Variants in RGS7 observed in about 807,000 individuals in gnomAD.
The protein encoded by RGS7 is regulator of G-protein signaling 7.
In RGS7, 27 loss-of-function variants were observed where a neutral mutation model predicts 81.1. That is an observed-to-expected ratio of 0.33 (90% confidence interval 0.25 to 0.46). RGS7 has a LOEUF of 0.46. Ranked by LOEUF, RGS7 falls within the 20% of genes least tolerant of loss-of-function variation. The pLI is 1.00. For missense variants in RGS7, 396 were observed against 607.4 expected (o/e 0.65, Z 3.66); for synonymous variants, 208 against 207.7 (o/e 1.00, Z -0.01).
intron 9 of RGS7, among the ~76,000 whole-genome samples, chr1:240,866,759 G>C (rs1340047197): frequency 1.3e-5 from 2 of 152,090 alleles, no homozygotes; most frequent in East Asian, 3.9e-4. Flanking sequence ...GCACACAAAG[G>C]GCTAAGGCAA....
At chr1:241,245,301 G>A (rs1460185865) in intron 2 of RGS7, among the ~76,000 whole-genome samples, 1 of 151,958 alleles carries the variant, frequency 6.6e-6, no homozygotes, top group Non-Finnish European at 1.5e-5. Context: ...TTATGACAGA[G>A]TTCTCAAGAG....
At position 240,955,551 on chromosome 1, in the gene RGS7, C is replaced by CAAAAAAAAA. The variant is rs369155474; in HGVS notation, c.227-18854_227-18846dup. ...TGGGCGGCAGAGCAAGACTCTGTCTCAAAAAAAAAAAAAAAAAAAAAAAAA... is the reference window on the plus strand; with the variant it reads ...TGGGCGGCAGAGCAAGACTCTGTCTCAAAAAAAAAAAAAAAAAAAAAAAAAAAAAAAAAA... On this transcript the variant is annotated intron_variant, in intron 4 of 18. Transcript: ENST00000440928. Among the ~76,000 whole-genome samples the CAAAAAAAAA allele has an allele frequency of 7.5e-4, 105 of 140,246 alleles. 2 individuals are homozygous for CAAAAAAAAA. Among genetic ancestry groups the CAAAAAAAAA allele is most frequent in the African/African-American group, 2.6e-3 (96 of 36,784 alleles). 92.0% of individuals were successfully genotyped at this position (140,246 alleles called of 152,430 possible). A position where few individuals can be genotyped will look rare whatever the true frequency, so the allele number is the denominator to read the frequency against.
At chr1:241,201,631 A>G (rs896549128) in intron 2 of RGS7, among the ~76,000 whole-genome samples, 6 of 152,162 alleles carry the variant, frequency 3.9e-5, no homozygotes, top group Non-Finnish European at 8.8e-5. Flanking sequence ...TTTTTAATAC[A>G]TATATAAGAA....
chr1:241,287,765 G>A (rs1380580627), intron 2 of RGS7, among the ~76,000 whole-genome samples: 2 of 144,882 alleles, frequency 1.4e-5, no homozygotes, highest in African/African-American at 2.5e-5. Flanking sequence ...ACACACACAC[G>A]ACAGAGGGAC....
intron 3 of RGS7, among the ~76,000 whole-genome samples, chr1:240,989,035 G>A (rs961122019): frequency 8.5e-5 from 13 of 152,116 alleles, no homozygotes; most frequent in African/African-American, 3.1e-4. Context: ...AACATGGGCT[G>A]AGCCATAAAA....
At chr1:241,188,485 T>C (rs2072324095) in intron 2 of RGS7, among the ~76,000 whole-genome samples, 1 of 152,170 alleles carries the variant, frequency 6.6e-6, no homozygotes, top group South Asian at 2.1e-4. Context: ...TATGTATTTC[T>C]TTTCAGCAGA....
At chr1:241,251,374 T>C (rs1274622065) in intron 2 of RGS7, among the ~76,000 whole-genome samples, 2 of 152,176 alleles carry the variant, frequency 1.3e-5, no homozygotes, top group Non-Finnish European at 2.9e-5. Flanking sequence ...GTACTCACTG[T>C]AGAGAAAATA....
At chr1:241,350,553 T>C (rs1168446199) in intron 2 of RGS7, among the ~76,000 whole-genome samples, 1 of 152,100 alleles carries the variant, frequency 6.6e-6, no homozygotes, top group Non-Finnish European at 1.5e-5. Context: ...CCCTTGTATA[T>C]ATTCCTCACT....
chr1:240,853,972 G>A (rs1234945032), intron 9 of RGS7, among the ~76,000 whole-genome samples: 2 of 142,626 alleles, frequency 1.4e-5, no homozygotes, highest in Non-Finnish European at 3.0e-5. Flanking sequence ...GAAAATCCAT[G>A]CTGATTACGA....
Position 240,912,007 on chromosome 1 carries a change from C to T in RGS7, c.385+18710G>A, listed in dbSNP as rs566740925. Among the ~76,000 whole-genome samples the T allele has an allele frequency of 8.0e-5, 12 of 150,768 alleles. No individual in the cohort carries two copies. In the South Asian group the frequency reaches 2.1e-3, roughly 27 times the overall value. On this transcript the variant is annotated intron_variant, in intron 6 of 18. Coordinates refer to ENST00000440928, the MANE Select transcript of RGS7 (RefSeq NM_001364886.1). ...ATACCAAAAAAAAAAAAAAATTAGC[C>T]AGGCGAAGTGGCAGGGGCCTGTAGT...
chr1:241,060,644 T>C (rs2061693910), intron 3 of RGS7, among the ~76,000 whole-genome samples: 1 of 152,172 alleles, frequency 6.6e-6, no homozygotes, highest in African/African-American at 2.4e-5. Flanking sequence ...ATGAGACGTA[T>C]CATTGCTATA....
chr1:241,289,014 A>G (rs534727671), intron 2 of RGS7, among the ~76,000 whole-genome samples: 1 of 152,362 alleles, frequency 6.6e-6, no homozygotes, highest in South Asian at 2.1e-4. Flanking sequence ...CAGTCTCTGC[A>G]AATGCCCAGG....
At chr1:240,911,040 C>T (rs1444006514) in intron 6 of RGS7, among the ~76,000 whole-genome samples, 1 of 152,118 alleles carries the variant, frequency 6.6e-6, no homozygotes, top group Non-Finnish European at 1.5e-5. Context: ...TTCTCTAGTT[C>T]ATTCCTACTA....
At chr1:240,830,910 C>G (rs1025821270) in intron 9 of RGS7, among the ~76,000 whole-genome samples, 1 of 152,192 alleles carries the variant, frequency 6.6e-6, no homozygotes, top group Non-Finnish European at 1.5e-5. Context: ...TTAGAAGTTT[C>G]ATCCTCATAT....
chr1:241,213,821 G>A (rs1281669443), intron 2 of RGS7, among the ~76,000 whole-genome samples: 3 of 152,140 alleles, frequency 2.0e-5, no homozygotes, highest in African/African-American at 7.2e-5. Flanking sequence ...CTGGAGTGTA[G>A]CAGTGCAATC....
In RGS7 at chr1:241,029,534, G is replaced by A. The variant is rs535632489; in HGVS notation, c.176-46405C>T. 3.9e-5 allele frequency among the ~76,000 whole-genome samples: 6 copies of A among 152,290 alleles called. No individual in the cohort carries two copies. The East Asian group carries it at 9.6e-4, about 24-fold the overall frequency. ...CAGAATATTCTGGGTGTAGTGACAT[G>A]TGCAAAATAAGAAATTTAATATTTT... On this transcript the variant is annotated intron_variant, in intron 3 of 18. Coordinates refer to ENST00000440928, the MANE Select transcript of RGS7 (RefSeq NM_001364886.1).
At chr1:241,035,609 T>C (rs113578102) in intron 3 of RGS7, among the ~76,000 whole-genome samples, 1 of 152,172 alleles carries the variant, frequency 6.6e-6, no homozygotes, top group African/African-American at 2.4e-5. Flanking sequence ...TCACCAATAC[T>C]GCCATTGCCA....
At chr1:240,819,412 T>C (rs963914895) in intron 10 of RGS7, among the ~76,000 whole-genome samples, 2 of 152,202 alleles carry the variant, frequency 1.3e-5, no homozygotes, top group Non-Finnish European at 2.9e-5. Context: ...CTATAATGAT[T>C]TCAACATTTA....
intron 18 of RGS7, among the ~76,000 whole-genome samples, chr1:240,795,036 T>A (rs984104218): frequency 6.6e-6 from 1 of 151,790 alleles, no homozygotes; most frequent in Non-Finnish European, 1.5e-5. Context: ...TACAAAAAAA[T>A]TAGCTGGGCC....
Sources: gnomAD v4.1 joint callset for allele counts (sites outside exome capture counted in the v4.1 genomes callset) on GRCh38, gnomAD v4.1.1 for gene constraint, MANE v1.5 for transcripts, NCBI Gene and HGNC (gene_info 2026-07-23, HGNC 2026-07-21) for gene names.